The following NRG3 variants were observed in gnomAD, a reference collection of about 807,000 sequenced individuals.
NRG3 encodes pro-neuregulin-3, membrane-bound isoform.
In NRG3, 31 loss-of-function variants were observed where a neutral mutation model predicts 66.9. That is an observed-to-expected ratio of 0.46 (90% CI 0.35 to 0.63). The LOEUF (loss-of-function observed/expected upper bound fraction) is 0.63, where lower values mean the gene tolerates loss of function less well. NRG3 is among the 20% of genes least tolerant of loss of function. The probability of loss-of-function intolerance (pLI) is 0.00; values close to 1 mark genes in which losing one functional copy is unlikely to be tolerated. For missense variants in NRG3, 910 were observed against 878.9 expected (o/e 1.04, Z -0.45); for synonymous variants, 393 against 359.4 (o/e 1.09, Z -1.06).
At chr10:82,000,884 G>A (rs976865341) in intron 1 of NRG3, among the ~76,000 whole-genome samples, 2 of 152,116 alleles carry the variant, frequency 1.3e-5, no homozygotes, top group Non-Finnish European at 2.9e-5. Context: ...CCAGAACAAA[G>A]TTGCTATTCT....
intron 3 of NRG3, among the ~76,000 whole-genome samples, chr10:82,770,671 TCAGAATGGACA>T (rs2059682386): frequency 6.6e-6 from 1 of 151,990 alleles, no homozygotes; most frequent in African/African-American, 2.4e-5. Flanking sequence ...TTAAGCAGCA[TCAGAATGGACA>T]CCAGGGTAGA....
chr10:82,662,005 A>C (rs958752788), intron 2 of NRG3, among the ~76,000 whole-genome samples: 1 of 152,158 alleles, frequency 6.6e-6, no homozygotes, highest in Non-Finnish European at 1.5e-5. Flanking sequence ...GAGGACAAGC[A>C]TCTCTTCCTC....
intron 1 of NRG3, among the ~76,000 whole-genome samples, chr10:82,348,013 C>T (rs2083148153): frequency 6.6e-6 from 1 of 151,980 alleles, no homozygotes; most frequent in Non-Finnish European, 1.5e-5. Context: ...GGTCTTGACT[C>T]TTTATCCAAT....
rs534499238 is a variant in NRG3 at position 82,301,763 on chromosome 10, A to G, written c.824-56976A>G. Among the ~76,000 whole-genome samples, 10 of 149,268 alleles carry G rather than the reference A, an allele frequency of 6.7e-5. No homozygotes were observed. In the South Asian group the frequency reaches 1.3e-3, roughly 19 times the overall value. On this transcript the variant is annotated intron_variant, in intron 1 of 8. Transcript: ENST00000372141. ...AGCACTTTACCCTGATTGTACTTTTAAGCTTAAATTCCACCTTGTCTGACC... is the reference window on the plus strand; with the variant it reads ...AGCACTTTACCCTGATTGTACTTTTGAGCTTAAATTCCACCTTGTCTGACC...
At chr10:82,403,527 T>G (rs2087270543) in intron 2 of NRG3, among the ~76,000 whole-genome samples, 1 of 152,192 alleles carries the variant, frequency 6.6e-6, no homozygotes, top group Non-Finnish European at 1.5e-5. Context: ...AAATCACTTT[T>G]GAATCTTGAA....
chr10:82,018,680 G>T (rs1380903115), intron 1 of NRG3, among the ~76,000 whole-genome samples: 8 of 152,014 alleles, frequency 5.3e-5, no homozygotes, highest in Admixed American at 1.3e-4. Context: ...CCTAGGTATT[G>T]TATTCTCTTT....
At chr10:82,566,980 G>T (rs933891177) in intron 2 of NRG3, among the ~76,000 whole-genome samples, 1 of 151,816 alleles carries the variant, frequency 6.6e-6, no homozygotes, top group Admixed American at 6.6e-5. Context: ...GTTGCTGTAG[G>T]TCTGGTGACT....
At chr10:82,386,826 G>A (rs543570620) in intron 2 of NRG3, among the ~76,000 whole-genome samples, 32 of 151,974 alleles carry the variant, frequency 2.1e-4, no homozygotes, top group Non-Finnish European at 2.9e-4. Context: ...TTGAGATGGA[G>A]GCCTGCTCTG....
chr10:82,115,533 C>T (rs1315573414), intron 1 of NRG3, among the ~76,000 whole-genome samples: 3 of 152,130 alleles, frequency 2.0e-5, no homozygotes, highest in African/African-American at 7.2e-5. Flanking sequence ...ATCATTCCAG[C>T]TCCTGTGACA....
At chr10:82,244,397 G>T (rs1370454640) in intron 1 of NRG3, among the ~76,000 whole-genome samples, 2 of 152,164 alleles carry the variant, frequency 1.3e-5, no homozygotes, top group African/African-American at 4.8e-5. Context: ...AGCAAAATGA[G>T]CATTGAATTA....
chr10:82,185,818 G>T (rs1214265562), intron 1 of NRG3, among the ~76,000 whole-genome samples: 1 of 152,032 alleles, frequency 6.6e-6, no homozygotes, highest in Non-Finnish European at 1.5e-5. Flanking sequence ...TCTCATCATT[G>T]GTTTTATTCT....
At chr10:82,820,729 C>T (rs1451731786) in intron 3 of NRG3, among the ~76,000 whole-genome samples, 2 of 152,200 alleles carry the variant, frequency 1.3e-5, no homozygotes, top group Admixed American at 6.5e-5. Context: ...AAAAAACTAG[C>T]TATTTCTAAG....
At chr10:82,753,193 G>A (rs970369717) in intron 3 of NRG3, among the ~76,000 whole-genome samples, 1 of 152,046 alleles carries the variant, frequency 6.6e-6, no homozygotes, top group Non-Finnish European at 1.5e-5. Flanking sequence ...TTTAATCTTA[G>A]AAGTGAAGAA....
intron 2 of NRG3, among the ~76,000 whole-genome samples, chr10:82,510,655 A>G (rs1023174964): frequency 2.0e-5 from 3 of 152,228 alleles, no homozygotes; most frequent in Non-Finnish European, 1.5e-5. Flanking sequence ...AATAGGAGTC[A>G]TGAAAGAGAG....
chr10:82,299,680 T>C (rs1182226226), intron 1 of NRG3, among the ~76,000 whole-genome samples: 1 of 152,142 alleles, frequency 6.6e-6, no homozygotes, highest in East Asian at 1.9e-4. Context: ...AGTTGAGTAG[T>C]TGTAACTGAC....
intron 2 of NRG3, among the ~76,000 whole-genome samples, chr10:82,420,607 A>G (rs2088990349): frequency 6.6e-6 from 1 of 152,110 alleles, no homozygotes; most frequent in Non-Finnish European, 1.5e-5. Context: ...TCTGGAACAC[A>G]TTTTGGCTGT....
At chr10:82,667,394 G>A (rs1456959562) in intron 2 of NRG3, among the ~76,000 whole-genome samples, 2 of 152,142 alleles carry the variant, frequency 1.3e-5, no homozygotes, top group Non-Finnish European at 2.9e-5. Flanking sequence ...GCAGGGCTTA[G>A]CGATCTGATG....
intron 4 of NRG3, among the ~76,000 whole-genome samples, chr10:82,934,923 A>AT (rs571404058): frequency 6.6e-6 from 1 of 151,992 alleles, no homozygotes; most frequent in African/African-American, 2.4e-5. Flanking sequence ...ACAGGCCAAT[A>AT]TTTTTTTTAT....
chr10:82,115,810 G>T (rs1216789321), intron 1 of NRG3, among the ~76,000 whole-genome samples: 1 of 152,054 alleles, frequency 6.6e-6, no homozygotes, highest in East Asian at 1.9e-4. Context: ...CTAAGTACTG[G>T]GTGACTGCTC....
Sources: gnomAD v4.1 joint callset for allele counts (sites outside exome capture counted in the v4.1 genomes callset) on GRCh38, gnomAD v4.1.1 for gene constraint, MANE v1.5 for transcripts, NCBI Gene and HGNC (gene_info 2026-07-23, HGNC 2026-07-21) for gene names.